Variants in CORIN observed in about 807,000 individuals in gnomAD.
CORIN encodes the protein atrial natriuretic peptide-converting enzyme.
CORIN carries 117 observed loss-of-function variants against 125.3 expected under a neutral mutation model. That is an observed-to-expected ratio of 0.93 (90% CI 0.80 to 1.09). The LOEUF is 1.09. Among genes scored for constraint, CORIN ranks in the 50% least tolerant of loss-of-function variants. The probability of loss-of-function intolerance (pLI) is 0.00; values close to 1 mark genes in which losing one functional copy is unlikely to be tolerated. For missense variants in CORIN, 1,253 were observed against 1,306.7 expected (o/e 0.96, Z 0.63); for synonymous variants, 450 against 466.4 (o/e 0.96, Z 0.45).
intron 4 of CORIN, among the ~76,000 whole-genome samples, chr4:47,747,062 C>T (rs62299234): frequency 0.091 from 13,813 of 152,054 alleles, 767 homozygotes; most frequent in East Asian, 0.27. Flanking sequence ...TCCTCCTTTG[C>T]CTTCTAGTTC....
intron 3 of CORIN, among the ~76,000 whole-genome samples, chr4:47,764,417 G>A (rs1729612127): frequency 6.6e-6 from 1 of 152,154 alleles, no homozygotes; most frequent in Non-Finnish European, 1.5e-5. Context: ...ATGTTGACAT[G>A]CATTCATATG....
At chr4:47,771,044 A>C (rs547650361) in intron 3 of CORIN, among the ~76,000 whole-genome samples, 1 of 152,290 alleles carries the variant, frequency 6.6e-6, no homozygotes, top group East Asian at 1.9e-4. Context: ...CTCACCCCCC[A>C]AAATTATTTG....
chr4:47,676,662 C>T (rs1725033150), intron 9 of CORIN, among the ~76,000 whole-genome samples: 1 of 152,124 alleles, frequency 6.6e-6, no homozygotes, highest in African/African-American at 2.4e-5. Flanking sequence ...GAGTTGAATC[C>T]ATTAAAGTGA....
intron 16 of CORIN, among the ~76,000 whole-genome samples, chr4:47,632,776 G>GA (rs1560481552): frequency 2.5e-5 from 3 of 122,398 alleles, no homozygotes; most frequent in East Asian, 3.1e-4. Flanking sequence ...GAGATAGATA[G>GA]TTAGATAGAT....
intron 13 of CORIN, among the ~76,000 whole-genome samples, chr4:47,653,251 A>G (rs1451984389): frequency 2.6e-5 from 4 of 152,204 alleles, no homozygotes; most frequent in Non-Finnish European, 5.9e-5. Context: ...TACTGCATAT[A>G]TGGGGTTCCA....
At chr4:47,832,932 A>G (rs1303450232) in intron 1 of CORIN, among the ~76,000 whole-genome samples, 1 of 152,214 alleles carries the variant, frequency 6.6e-6, no homozygotes, top group Non-Finnish European at 1.5e-5. Flanking sequence ...TTTTAATTTG[A>G]TTTAATGTTG....
intron 19 of CORIN, among the ~76,000 whole-genome samples, chr4:47,616,341 G>A (rs1463646462): frequency 6.6e-6 from 1 of 151,830 alleles, no homozygotes; most frequent in African/African-American, 2.4e-5. Flanking sequence ...ACAAGTATTT[G>A]TTCAAATCAG....
chr4:47,802,982 G>C (rs1731611401), intron 2 of CORIN, among the ~76,000 whole-genome samples: 2 of 152,152 alleles, frequency 1.3e-5, no homozygotes, highest in African/African-American at 4.8e-5. Context: ...TGGCAATTCA[G>C]AGAATTCTTC....
At chr4:47,755,284 C>T (rs193083407) in intron 4 of CORIN, among the ~76,000 whole-genome samples, 10 of 152,246 alleles carry the variant, frequency 6.6e-5, no homozygotes, top group African/African-American at 2.4e-4. Context: ...TATGTTTGCC[C>T]TGTGGAAGAA....
At chr4:47,749,720 C>T (rs1728817767) in intron 4 of CORIN, among the ~76,000 whole-genome samples, 1 of 152,162 alleles carries the variant, frequency 6.6e-6, no homozygotes, top group Non-Finnish European at 1.5e-5. Context: ...CAGAGGCATG[C>T]TACTGAGTTT....
chr4:47,620,871 G>T (rs1033247061), intron 19 of CORIN, among the ~76,000 whole-genome samples: 2 of 152,280 alleles, frequency 1.3e-5, no homozygotes, highest in South Asian at 4.1e-4. Flanking sequence ...GAGCTGGCCA[G>T]TGGTCACACA....
chr4:47,820,410 C>T (rs889687255), intron 1 of CORIN, among the ~76,000 whole-genome samples: 7 of 151,978 alleles, frequency 4.6e-5, no homozygotes, highest in African/African-American at 1.5e-4. Context: ...AGGACTTTCA[C>T]AATGCTACAC....
chr4:47,733,702 C>G (rs577652054), intron 5 of CORIN, among the ~76,000 whole-genome samples: 9 of 152,280 alleles, frequency 5.9e-5, no homozygotes, highest in African/African-American at 1.9e-4. Context: ...GTTCTCACAT[C>G]TCAACTATGG....
At chr4:47,805,150 AT>A (rs1412519053) in intron 2 of CORIN, among the ~76,000 whole-genome samples, 118 of 134,126 alleles carry the variant, frequency 8.8e-4, no homozygotes, top group Middle Eastern at 3.9e-3. Flanking sequence ...AAAAAAAAAA[AT>A]AATAATAATA....
chr4:47,600,452 T>C, intron 20 of CORIN, 105 bp from the exon 21 acceptor site: 1 of 737,322 alleles, frequency 1.4e-6, no homozygotes, highest in South Asian at 3.2e-5. Flanking sequence ...ATAAATATTT[T>C]TATACCAAGA....
chr4:47,665,319 CTTT>C (rs1724435317), intron 10 of CORIN, 56 bp from the exon 11 acceptor site: 3 of 1,338,236 alleles, frequency 2.2e-6, no homozygotes, highest in South Asian at 1.3e-5. Flanking sequence ...AAAACAACTT[CTTT>C]AAGTTTTACA....
rs75343933 is a variant in CORIN, at chr4:47,662,831, G to A, written c.1590-975C>T. Among the ~76,000 whole-genome samples the A allele has an allele frequency of 4.7e-3, 711 of 152,274 alleles. 6 individuals are homozygous for A. The highest frequency in any genetic ancestry group is 0.016 in the African/African-American group (680 of 41,566). ...AGAGAAAGTGTAACAATCAAATGAG[G>A]AAATTTCGGAGAAAGTTCTGTCTAG... On this transcript the variant is annotated intron_variant, in intron 11 of 21. Transcript: ENST00000273857.
chr4:47,727,028 T>G (rs955570849), intron 5 of CORIN, among the ~76,000 whole-genome samples: 1 of 151,990 alleles, frequency 6.6e-6, no homozygotes, highest in Middle Eastern at 3.2e-3. Flanking sequence ...CCTGGCAATA[T>G]TCTCAGAAGT....
At chr4:47,760,028 G>T (rs1729373659) in intron 4 of CORIN, among the ~76,000 whole-genome samples, 1 of 152,110 alleles carries the variant, frequency 6.6e-6, no homozygotes, top group Non-Finnish European at 1.5e-5. Context: ...ATTCTTAATG[G>T]AATCTAGAAT....
Sources: allele counts gnomAD v4.1 joint callset (sites outside exome capture counted in the v4.1 genomes callset), GRCh38; gene constraint gnomAD v4.1.1; transcripts MANE v1.5; gene names NCBI Gene and HGNC (gene_info 2026-07-23, HGNC 2026-07-21).